GSAP: variants seen among roughly 807,000 people sequenced by gnomAD.
GSAP encodes the protein gamma-secretase-activating protein.
In GSAP, 118 loss-of-function variants were observed where a neutral mutation model predicts 131.7. The ratio of observed to expected loss-of-function variants is 0.90; its 90% CI spans 0.77 to 1.04. GSAP has a LOEUF of 1.04. Ranked by LOEUF, GSAP falls within the 50% of genes least tolerant of loss-of-function variation. The probability of loss-of-function intolerance (pLI) is 0.00; values close to 1 mark genes in which losing one functional copy is unlikely to be tolerated. For synonymous variants in GSAP, 381 were observed against 363.4 expected (o/e 1.05, Z -0.55); for missense variants, 1,019 against 1,013.2 (o/e 1.01, Z -0.08).
intron 14 of GSAP, among the ~76,000 whole-genome samples, chr7:77,355,859 G>A (rs1001717563): frequency 2.1e-5 from 3 of 145,716 alleles, no homozygotes; most frequent in South Asian, 2.2e-4. Flanking sequence ...GTGTGATGTC[G>A]GCCCACTGCA....
chr7:77,353,031 G>A lies in GSAP; in HGVS notation c.1409-5C>T. 1.6e-5 allele frequency: 25 copies of A among 1,572,356 alleles called. No homozygotes were observed. The highest frequency in any genetic ancestry group is 2.1e-5 in the Non-Finnish European group (24 of 1,143,140). On this transcript the variant is annotated splice_polypyrimidine_tract_variant and splice_region_variant and intron_variant, in intron 17 of 30. Coordinates refer to ENST00000257626, the MANE Select transcript of GSAP (RefSeq NM_017439.4). ...ATACACTCCAGTATGAAGAAGCTGAGTAGATTTTTTTTGAAACAGGGGGAA... is the reference window on the plus strand; with the variant it reads ...ATACACTCCAGTATGAAGAAGCTGAATAGATTTTTTTTGAAACAGGGGGAA...
In GSAP at chr7:77,397,407, A is replaced by G. The variant is rs1048533281; in HGVS notation, c.252T>C (p.Tyr84=). ...AAACTTGCAAGTCTTTCTCAAAGGT[A>G]TATAGAAGCTATTAAAACAAAAATA... ...DCQTRQNELL[Y]TFEKDLQVFS... is the part of the protein sequence containing the mutation. The change falls in exon 4 of 31, where the codon TAT becomes TAC. Residue 84 remains tyrosine, a synonymous_variant. Transcript: ENST00000257626. 1.4e-5 allele frequency: 22 copies of G among 1,569,234 alleles called. No individual in the cohort carries two copies. Among genetic ancestry groups the G allele is most frequent in the Non-Finnish European group, 1.9e-5 (22 of 1,145,274 alleles).
intron 5 of GSAP, among the ~76,000 whole-genome samples, chr7:77,394,975 C>A (rs1381183004): frequency 6.6e-6 from 1 of 152,184 alleles, no homozygotes; most frequent in Non-Finnish European, 1.5e-5. Flanking sequence ...ACGTTCATTG[C>A]ACTGTTTCTA....
chr7:77,361,329 C>A (rs191504905), intron 13 of GSAP, among the ~76,000 whole-genome samples: 1 of 152,268 alleles, frequency 6.6e-6, no homozygotes, highest in African/African-American at 2.4e-5. Flanking sequence ...GGGAATTAGT[C>A]GAGCTAATAA....
chr7:77,352,039 C>A (rs1262652653), intron 18 of GSAP, among the ~76,000 whole-genome samples: 7 of 152,168 alleles, frequency 4.6e-5, no homozygotes, highest in Non-Finnish European at 1.5e-5. Context: ...AGTCTAATAA[C>A]CACGACAGTA....
intron 12 of GSAP, among the ~76,000 whole-genome samples, chr7:77,365,271 GGTTT>G (rs775542766): frequency 5.3e-5 from 8 of 152,068 alleles, no homozygotes; most frequent in Non-Finnish European, 1.2e-4. Context: ...TACATGTGAA[GGTTT>G]GTTATATAGG....
chr7:77,401,657 C>G (rs890838533), intron 3 of GSAP, among the ~76,000 whole-genome samples: 1 of 152,020 alleles, frequency 6.6e-6, no homozygotes, highest in Non-Finnish European at 1.5e-5. Context: ...CAGAAAGAAC[C>G]ATGGAAAGAG....
At chr7:77,311,506 T>C in intron 30 of GSAP, 57 bp from the exon 31 acceptor site, 2 of 855,030 alleles carry the variant, frequency 2.3e-6, no homozygotes, top group South Asian at 1.4e-5. Context: ...CCGTGAAACA[T>C]TTATAACTTT....
intron 22 of GSAP, 62 bp from the exon 23 acceptor site, chr7:77,326,335 A>G (rs1788328014): frequency 8.9e-7 from 1 of 1,120,956 alleles, no homozygotes; most frequent in Admixed American, 2.1e-5. Flanking sequence ...GTTAGAAGGA[A>G]GAAGAATCAG....
chr7:77,390,937 G>T, intron 5 of GSAP, among the ~76,000 whole-genome samples: 1 of 100,346 alleles, frequency 1.0e-5, no homozygotes, highest in Non-Finnish European at 1.8e-5. Flanking sequence ...GACAGAGCGA[G>T]ACTCCGTCTA....
chr7:77,311,168 G>A lies in GSAP; in HGVS notation c.*190C>T. ...TTTCTCTACACTTGATTGCTCACTG[G>A]CTATTCAAAATTGGAATGTGATACA... On this transcript the variant is annotated 3_prime_UTR_variant, in exon 31 of 31. Coordinates refer to ENST00000257626, the MANE Select transcript of GSAP (RefSeq NM_017439.4). The A allele has an allele frequency of 1.8e-6, 1 of 542,286 alleles. No homozygotes were observed. Among genetic ancestry groups the A allele is most frequent in the Non-Finnish European group, 3.3e-6 (1 of 303,054 alleles). The allele number at this position is 542,286 out of a possible 1,614,324, so 33.6% of individuals were successfully genotyped here.
rs915649122 is a variant in GSAP at position 77,335,077 on chromosome 7, C to T, written c.1546-4710G>A. The stretch of plus-strand genomic sequence containing the variant: ...CAGCCTGGGCGACAGAGCAAGACTC[C>T]GTCTCAATTAAAAAAAAAAAGAAAA... On this transcript the variant is annotated intron_variant, in intron 19 of 30. Transcript: ENST00000257626. 6.1e-5 allele frequency among the ~76,000 whole-genome samples: 9 copies of T among 148,230 alleles called. No individual in the cohort carries two copies. The East Asian group carries it at 8.3e-4, about 14-fold the overall frequency.
intron 19 of GSAP, among the ~76,000 whole-genome samples, chr7:77,342,065 A>G (rs955123807): frequency 9.2e-5 from 14 of 152,200 alleles, no homozygotes; most frequent in African/African-American, 2.4e-4. Context: ...ACTGGAAATC[A>G]GACTGTCCAA....
At chr7:77,390,268 TG>T (rs1799264710) in intron 5 of GSAP, among the ~76,000 whole-genome samples, 1 of 152,180 alleles carries the variant, frequency 6.6e-6, no homozygotes, top group African/African-American at 2.4e-5. Context: ...TCTTTTGCTG[TG>T]CAGAAGCTCT....
chr7:77,405,364 T>C lies in GSAP; in HGVS notation c.186+665A>G, dbSNP rs547940379. 5.9e-5 allele frequency among the ~76,000 whole-genome samples: 9 copies of C among 152,360 alleles called. No homozygotes were observed. In the East Asian group the frequency reaches 1.7e-3, roughly 29 times the overall value. ...TATCTACGTCTGAAGAGAGTAATCA[T>C]ATTTAATATTTTCTCCAATGATAAA... On this transcript the variant is annotated intron_variant, in intron 2 of 30. Coordinates refer to ENST00000257626, the MANE Select transcript of GSAP (RefSeq NM_017439.4).
intron 13 of GSAP, among the ~76,000 whole-genome samples, chr7:77,361,638 T>C (rs557937495): frequency 8.4e-4 from 128 of 152,288 alleles, no homozygotes; most frequent in African/African-American, 2.8e-3. Context: ...TTTTTAAATA[T>C]TGGAAAAATC....
rs1008552999 is a variant in GSAP at position 77,373,799 on chromosome 7, T to G, written c.871+271A>C. On this transcript the variant is annotated intron_variant, in intron 12 of 30. Coordinates refer to ENST00000257626, the MANE Select transcript of GSAP (RefSeq NM_017439.4). ...ATGAAGCAGGTGAGAAAATGTAGAT[T>G]GGTTAAATACAATCCATTTTCTCTG... Among the ~76,000 whole-genome samples the G allele has an allele frequency of 3.3e-5, 5 of 152,360 alleles. No individual in the cohort carries two copies. In the South Asian group the frequency reaches 6.2e-4, roughly 19 times the overall value.
In GSAP at chr7:77,381,282, C is replaced by A. The variant is rs747287798; in HGVS notation, c.576+23G>T. 5 of 1,451,356 alleles carry A rather than the reference C, an allele frequency of 3.4e-6. No homozygotes were observed. In the East Asian group the frequency reaches 7.0e-5, roughly 20 times the overall value. The allele number at this position is 1,451,356 out of a possible 1,614,324, so 89.9% of individuals were successfully genotyped here. ...TGTGGGGAAAAAAAAACCTATGAAG[C>A]GAAAAGAATTTCAAATCTTTACCAC... is the stretch of plus-strand genomic sequence containing the variant. On this transcript the variant is annotated intron_variant, in intron 8 of 30. Transcript: ENST00000257626.
intron 6 of GSAP, 119 bp from the exon 7 acceptor site, chr7:77,382,762 G>A (rs1244829617): frequency 3.4e-6 from 2 of 589,938 alleles, no homozygotes; most frequent in African/African-American, 3.7e-5. Flanking sequence ...AATCACAGAA[G>A]AGTTTAGGGG....
Sources: gnomAD v4.1 joint callset for allele counts (sites outside exome capture counted in the v4.1 genomes callset) on GRCh38, gnomAD v4.1.1 for gene constraint, MANE v1.5 for transcripts, NCBI Gene and HGNC (gene_info 2026-07-23, HGNC 2026-07-21) for gene names.